The following AFF3 variants were observed in gnomAD, a reference collection of about 807,000 sequenced individuals.
AFF3 encodes the protein AF4/FMR2 family member 3.
AFF3 carries 32 observed loss-of-function variants against 129.7 expected under a neutral mutation model. The ratio of observed to expected loss-of-function variants is 0.25; its 90% CI spans 0.19 to 0.33. The LOEUF is 0.33. AFF3 is among the 10% of genes least tolerant of loss of function. The probability of loss-of-function intolerance (pLI) is 1.00; values close to 1 mark genes in which losing one functional copy is unlikely to be tolerated. For missense variants in AFF3, 1,373 were observed against 1,592.0 expected, an observed-to-expected ratio of 0.86 and a Z score of 2.34; for synonymous variants, 644 against 635.4, an observed-to-expected ratio of 1.01 and a Z score of -0.20.
At chr2:99,675,745 T>C (rs1687548509) in intron 11 of AFF3, among the ~76,000 whole-genome samples, 1 of 152,166 alleles carries the variant, frequency 6.6e-6, no homozygotes, top group African/African-American at 2.4e-5. Flanking sequence ...ACTTGGTGTA[T>C]GGCCAGCAGA....
At chr2:99,567,734 C>G (rs1345134665) in intron 19 of AFF3, among the ~76,000 whole-genome samples, 2 of 152,176 alleles carry the variant, frequency 1.3e-5, no homozygotes, top group African/African-American at 2.4e-5. Flanking sequence ...AGGGGACCAG[C>G]CTGGCTGGAG....
At chr2:99,682,818 C>A (rs962118118) in intron 11 of AFF3, among the ~76,000 whole-genome samples, 5 of 152,178 alleles carry the variant, frequency 3.3e-5, no homozygotes, top group African/African-American at 1.2e-4. Flanking sequence ...TAACAGAAGC[C>A]TTTACTACTC....
At chr2:99,583,869 C>T (rs945837743) in intron 16 of AFF3, among the ~76,000 whole-genome samples, 25 of 151,370 alleles carry the variant, frequency 1.7e-4, no homozygotes, top group African/African-American at 5.8e-4. Context: ...CATCCAGCTA[C>T]TTTTTGTATT....
intron 11 of AFF3, among the ~76,000 whole-genome samples, chr2:99,717,082 A>T (rs1040513115): frequency 6.6e-6 from 1 of 152,194 alleles, no homozygotes; most frequent in Non-Finnish European, 1.5e-5. Flanking sequence ...GTTTGTTGCT[A>T]TTTGATTAGA....
At chr2:99,983,414 G>C (rs367995696) in intron 7 of AFF3, among the ~76,000 whole-genome samples, 8 of 151,706 alleles carry the variant, frequency 5.3e-5, no homozygotes, top group African/African-American at 1.9e-4. Flanking sequence ...TTCTTTTTCT[G>C]TGTGCACTAC....
intron 8 of AFF3, among the ~76,000 whole-genome samples, chr2:99,753,235 G>T (rs1041087676): frequency 6.6e-6 from 1 of 152,122 alleles, no homozygotes; most frequent in African/African-American, 2.4e-5. Flanking sequence ...GTATAGCTGG[G>T]ATTACAGGTG....
At chr2:99,879,593 T>C (rs1050638591) in intron 7 of AFF3, among the ~76,000 whole-genome samples, 2 of 152,194 alleles carry the variant, frequency 1.3e-5, no homozygotes, top group African/African-American at 4.8e-5. Context: ...TTTTGGATAG[T>C]TTGCTCCAAG....
At chr2:99,985,078 G>A (rs560586052) in intron 7 of AFF3, among the ~76,000 whole-genome samples, 3 of 152,260 alleles carry the variant, frequency 2.0e-5, no homozygotes, top group South Asian at 2.1e-4. Context: ...ACTCTTCCTG[G>A]TTATGTCTGC....
intron 13 of AFF3, among the ~76,000 whole-genome samples, chr2:99,635,594 A>G (rs1683578399): frequency 6.6e-6 from 1 of 152,060 alleles, no homozygotes; most frequent in African/African-American, 2.4e-5. Flanking sequence ...GAGCTACCAC[A>G]TCTGGCCAAT....
chr2:99,815,456 G>A (rs928627163), intron 8 of AFF3, among the ~76,000 whole-genome samples: 3 of 152,170 alleles, frequency 2.0e-5, no homozygotes, highest in African/African-American at 7.2e-5. Flanking sequence ...CCCGGCTCCT[G>A]CCTTTGGCAC....
chr2:100,033,233 AC>A (rs1484854897), intron 4 of AFF3, among the ~76,000 whole-genome samples: 1 of 152,236 alleles, frequency 6.6e-6, no homozygotes, highest in Non-Finnish European at 1.5e-5. Flanking sequence ...TCAACACATT[AC>A]AAACATACAG....
chr2:99,955,621 G>A (rs1000847170), intron 7 of AFF3, among the ~76,000 whole-genome samples: 8 of 152,272 alleles, frequency 5.3e-5, no homozygotes, highest in African/African-American at 1.7e-4. Flanking sequence ...AGCCAAATCT[G>A]AGCACAGTCT....
At chr2:99,877,746 T>C (rs896079608) in intron 7 of AFF3, among the ~76,000 whole-genome samples, 3 of 152,196 alleles carry the variant, frequency 2.0e-5, no homozygotes, top group African/African-American at 7.2e-5. Context: ...AGTATGAAGG[T>C]TGCTAAATAG....
intron 7 of AFF3, among the ~76,000 whole-genome samples, chr2:99,886,325 T>C (rs1693108656): frequency 6.6e-6 from 1 of 152,204 alleles, no homozygotes; most frequent in South Asian, 2.1e-4. Context: ...CTGGGGAACC[T>C]TGTCTTTAAA....
At chr2:99,982,383 TCTTGC>T (rs1240918521) in intron 7 of AFF3, among the ~76,000 whole-genome samples, 4 of 152,194 alleles carry the variant, frequency 2.6e-5, no homozygotes, top group Non-Finnish European at 5.9e-5. Context: ...ACTTGCTCCT[TCTTGC>T]CTTGCCTTCC....
intron 7 of AFF3, among the ~76,000 whole-genome samples, chr2:99,845,764 G>A (rs1432931273): frequency 6.6e-6 from 1 of 152,170 alleles, no homozygotes; most frequent in Non-Finnish European, 1.5e-5. Flanking sequence ...GCAAACTTCA[G>A]TGAGATTTTG....
intron 11 of AFF3, among the ~76,000 whole-genome samples, chr2:99,719,069 T>C (rs1488551923): frequency 1.3e-5 from 2 of 150,696 alleles, no homozygotes; most frequent in African/African-American, 4.9e-5. Context: ...TTTTTTTTTT[T>C]TCCTGATGGC....
chr2:99,606,966 ACTT>A (rs2105151146), intron 13 of AFF3, among the ~76,000 whole-genome samples: 1 of 151,566 alleles, frequency 6.6e-6, no homozygotes, highest in South Asian at 2.1e-4. Flanking sequence ...TTTAAGACAG[ACTT>A]CTTCCCTTCT....
rs150301305 is a variant in AFF3, at chr2:100,127,676, G to A, written c.-145+1548C>T. 3.3e-5 allele frequency among the ~76,000 whole-genome samples: 5 copies of A among 152,338 alleles called. No homozygotes were observed. In the East Asian group the frequency reaches 9.6e-4, roughly 29 times the overall value. ...CTGATGAGTTGTTACCCAGAGGCCT[G>A]GAGAGCTCCCAGGATGGCAGACACT... On this transcript the variant is annotated intron_variant, in intron 2 of 24. Coordinates refer to ENST00000672756, the MANE Select transcript of AFF3 (RefSeq NM_001386135.1).
Sources: allele counts gnomAD v4.1 joint callset (sites outside exome capture counted in the v4.1 genomes callset), GRCh38; gene constraint gnomAD v4.1.1; transcripts MANE v1.5; gene names NCBI Gene and HGNC (gene_info 2026-07-23, HGNC 2026-07-21).